MEIS1: variants seen among roughly 807,000 people sequenced by gnomAD.
MEIS1 encodes Meis homeobox 1, also known as homeobox protein Meis1.
A neutral mutation model predicts 50.8 loss-of-function variants in MEIS1; 5 were observed. That is an observed-to-expected ratio of 0.10 (90% CI 0.05 to 0.21). MEIS1 has a LOEUF of 0.21. Among genes scored for constraint, MEIS1 ranks in the 10% least tolerant of loss-of-function variants. The pLI is 1.00. For missense variants in MEIS1, 318 were observed against 517.3 expected, an observed-to-expected ratio of 0.61 and a Z score of 3.74; for synonymous variants, 176 against 179.3, an observed-to-expected ratio of 0.98 and a Z score of 0.15.
chr2:66,557,478 T>C (rs536799777), intron 9 of MEIS1, among the ~76,000 whole-genome samples: 1 of 152,190 alleles, frequency 6.6e-6, no homozygotes, highest in Non-Finnish European at 1.5e-5. Context: ...ACTAATCTAC[T>C]TTCTGTCTCT....
intron 7 of MEIS1, among the ~76,000 whole-genome samples, chr2:66,481,858 T>C (rs1018785985): frequency 1.5e-4 from 22 of 145,386 alleles, no homozygotes; most frequent in African/African-American, 4.8e-4. Context: ...TTCTTTTTTT[T>C]TTTTTTTTTT....
intron 7 of MEIS1, among the ~76,000 whole-genome samples, chr2:66,503,430 G>A (rs1029326735): frequency 1.3e-5 from 2 of 152,046 alleles, no homozygotes; most frequent in Non-Finnish European, 2.9e-5. Flanking sequence ...ACTTTTCTCC[G>A]CCCTTTAGAT....
chr2:66,457,726 C>T (rs895402164), intron 6 of MEIS1, among the ~76,000 whole-genome samples: 1 of 152,172 alleles, frequency 6.6e-6, no homozygotes, highest in African/African-American at 2.4e-5. Context: ...TACAGCGATC[C>T]CATTCACTGT....
chr2:66,538,813 T>C (rs926806837), intron 8 of MEIS1, among the ~76,000 whole-genome samples: 10 of 152,204 alleles, frequency 6.6e-5, no homozygotes, highest in Non-Finnish European at 1.3e-4. Flanking sequence ...AGCTGACAAT[T>C]GAAGGCATAT....
intron 8 of MEIS1, among the ~76,000 whole-genome samples, chr2:66,518,997 A>G (rs1049426980): frequency 2.0e-5 from 3 of 152,186 alleles, no homozygotes; most frequent in African/African-American, 7.2e-5. Context: ...TCTGTCTCTC[A>G]TGCTAAAGTG....
intron 8 of MEIS1, among the ~76,000 whole-genome samples, chr2:66,529,655 T>C (rs1359837257): frequency 2.0e-5 from 3 of 152,158 alleles, no homozygotes; most frequent in Non-Finnish European, 2.9e-5. Flanking sequence ...TTATGAGGCA[T>C]ATGATGATAC....
intron 9 of MEIS1, among the ~76,000 whole-genome samples, chr2:66,550,519 A>G (rs936548797): frequency 2.0e-5 from 3 of 150,368 alleles, no homozygotes; most frequent in South Asian, 2.1e-4. Flanking sequence ...TTGTTTTGAT[A>G]CCGAGTCCTG....
At chr2:66,543,147 G>T (rs573378543) in intron 8 of MEIS1, among the ~76,000 whole-genome samples, 20 of 152,044 alleles carry the variant, frequency 1.3e-4, no homozygotes, top group African/African-American at 4.8e-4. Flanking sequence ...TTCTATTTGC[G>T]GCTGGTAAAA....
At chr2:66,439,320 C>T in intron 2 of MEIS1, 1 of 1,154,036 alleles carries the variant, frequency 8.7e-7, no homozygotes, top group Non-Finnish European at 1.1e-6. Context: ...AGGTGCAGCC[C>T]GTTGACAGTC....
Position 66,442,718 on chromosome 2 carries a change from C to T in MEIS1, c.484-184C>T, listed in dbSNP as rs547825608. 670 of 547,418 alleles carry T rather than the reference C, an allele frequency of 1.2e-3. 2 individuals are homozygous for T. Among genetic ancestry groups the T allele is most frequent in the South Asian group, 4.6e-3 (156 of 33,750 alleles). The allele number at this position is 547,418 out of a possible 1,614,324, so 33.9% of individuals were successfully genotyped here. On this transcript the variant is annotated intron_variant, in intron 5 of 12. Coordinates refer to ENST00000272369, the MANE Select transcript of MEIS1 (RefSeq NM_002398.3). ...TCACTGTCAATTTTCTGGGATATCT[C>T]TATTTTGCAAGAAAAGAAAGTTATT...
intron 8 of MEIS1, among the ~76,000 whole-genome samples, chr2:66,514,954 G>C (rs988270807): frequency 3.3e-5 from 5 of 152,094 alleles, no homozygotes; most frequent in African/African-American, 1.2e-4. Flanking sequence ...AGAGAGTTTT[G>C]TTGTTGTTTG....
At chr2:66,542,444 A>G (rs979639970) in intron 8 of MEIS1, among the ~76,000 whole-genome samples, 2 of 151,402 alleles carry the variant, frequency 1.3e-5, no homozygotes, top group Non-Finnish European at 2.9e-5. Context: ...ATATTCAGCC[A>G]AGCAACAGAA....
chr2:66,504,543 A>T (rs1287850620), intron 7 of MEIS1, among the ~76,000 whole-genome samples: 1 of 152,080 alleles, frequency 6.6e-6, no homozygotes, highest in Non-Finnish European at 1.5e-5. Flanking sequence ...GCCTATTAAC[A>T]ATTTCTTGTC....
chr2:66,562,798 TATAAAGATTCTTCTCCTA>T (rs1199126817), intron 9 of MEIS1, among the ~76,000 whole-genome samples: 1 of 152,080 alleles, frequency 6.6e-6, no homozygotes, highest in African/African-American at 2.4e-5. Context: ...AAAAAGGAAA[TATAAAGATTCTTCTCCTA>T]ATTCAGTCTT....
intron 9 of MEIS1, among the ~76,000 whole-genome samples, chr2:66,563,435 C>A (rs930509159): frequency 4.3e-4 from 65 of 152,258 alleles, no homozygotes; most frequent in African/African-American, 1.6e-3. Context: ...CACAGACACA[C>A]ACACATACAT....
At chr2:66,521,411 T>C (rs1674118542) in intron 8 of MEIS1, among the ~76,000 whole-genome samples, 1 of 152,130 alleles carries the variant, frequency 6.6e-6, no homozygotes, top group Non-Finnish European at 1.5e-5. Flanking sequence ...GCTAAGTCTT[T>C]AATTTTCTTT....
At chr2:66,512,724 T>A (rs1673864460) in intron 8 of MEIS1, among the ~76,000 whole-genome samples, 1 of 152,224 alleles carries the variant, frequency 6.6e-6, no homozygotes, top group African/African-American at 2.4e-5. Flanking sequence ...CATGTTGCAA[T>A]GGCAAGATGA....
rs1454960371 is a variant in MEIS1 at position 66,572,286 on chromosome 2, T to A, written c.*1078T>A. On this transcript the variant is annotated 3_prime_UTR_variant, in exon 13 of 13. Transcript: ENST00000272369. ...CATGCAACAACCACCACCTTATACA[T>A]CACTTCCTGTTTTAAGCAGCTCTAA... 1 of 152,242 alleles carries A rather than the reference T, an allele frequency of 6.6e-6. No individual in the cohort carries two copies. Among genetic ancestry groups the A allele is most frequent in the Non-Finnish European group, 1.5e-5 (1 of 68,042 alleles). 9.4% of individuals were successfully genotyped at this position (152,242 alleles called of 1,614,324 possible). A position where few individuals can be genotyped will look rare whatever the true frequency, so the allele number is the denominator to read the frequency against.
chr2:66,567,702 G>A (rs1000756), intron 10 of MEIS1, 191 bp downstream of exon 10: 210,782 of 671,742 alleles, frequency 0.31, 35,153 homozygotes, highest in Middle Eastern at 0.36. Flanking sequence ...TTTGGAGAAG[G>A]TGGAAAAAAA....
Sources: gnomAD v4.1 joint callset for allele counts (sites outside exome capture counted in the v4.1 genomes callset) on GRCh38, gnomAD v4.1.1 for gene constraint, MANE v1.5 for transcripts, NCBI Gene and HGNC (gene_info 2026-07-23, HGNC 2026-07-21) for gene names.